The following KHDRBS2 variants were observed in gnomAD, a reference collection of about 807,000 sequenced individuals.
The protein encoded by KHDRBS2 is KH domain-containing, RNA-binding, signal transduction-associated protein 2.
A neutral mutation model predicts 44.3 loss-of-function variants in KHDRBS2; 26 were observed. The observed-to-expected ratio is 0.59, with a 90% CI of 0.43 to 0.81. KHDRBS2 has a LOEUF of 0.81. Ranked by LOEUF, KHDRBS2 falls within the 40% of genes least tolerant of loss-of-function variation. The probability of loss-of-function intolerance (pLI) is 0.00; values close to 1 mark genes in which losing one functional copy is unlikely to be tolerated. For missense variants in KHDRBS2, 476 were observed against 433.1 expected (o/e 1.10, Z -0.88); for synonymous variants, 194 against 151.1 (o/e 1.28, Z -2.08).
At chr6:61,813,885 C>G in intron 6 of KHDRBS2, 1 of 455,834 alleles carries the variant, frequency 2.2e-6, no homozygotes, top group South Asian at 1.5e-5. Context: ...ACACACTAGG[C>G]ACTTTGCCTC....
At position 61,718,253 on chromosome 6, in the gene KHDRBS2, C is replaced by T. The variant is rs74880572; in HGVS notation, c.893+14429G>A. 4.5e-3 allele frequency among the ~76,000 whole-genome samples: 686 copies of T among 152,056 alleles called. 36 individuals are homozygous for T. The East Asian group carries it at 0.098, about 22-fold the overall frequency. On this transcript the variant is annotated intron_variant, in intron 7 of 8. Coordinates refer to ENST00000281156, the MANE Select transcript of KHDRBS2 (RefSeq NM_152688.4). The stretch of plus-strand genomic sequence containing the variant: ...CCCTTGAGGAGCTAAGAAGTTTGTG[C>T]GAGGGGTTTGAGAACCTATTTTTCC...
chr6:61,972,304 G>C (rs912667056), intron 4 of KHDRBS2, among the ~76,000 whole-genome samples: 4 of 152,092 alleles, frequency 2.6e-5, no homozygotes, highest in African/African-American at 9.7e-5. Context: ...AAGAATTTTA[G>C]TTTTGTTCTA....
intron 6 of KHDRBS2, among the ~76,000 whole-genome samples, chr6:61,752,407 A>C (rs563216783): frequency 6.6e-6 from 1 of 152,060 alleles, no homozygotes; most frequent in Non-Finnish European, 1.5e-5. Flanking sequence ...GCTTTATCTG[A>C]CTCTAAATGC....
At chr6:62,041,021 C>A (rs188053864) in intron 3 of KHDRBS2, among the ~76,000 whole-genome samples, 4 of 151,952 alleles carry the variant, frequency 2.6e-5, no homozygotes, top group African/African-American at 9.7e-5. Context: ...GGTTATATTG[C>A]ATTTGTACTT....
intron 6 of KHDRBS2, among the ~76,000 whole-genome samples, chr6:61,788,689 G>A (rs935225337): frequency 1.3e-5 from 2 of 150,992 alleles, no homozygotes; most frequent in East Asian, 3.9e-4. Flanking sequence ...CAAGTTTTCT[G>A]ATTTTCTTTT....
Position 61,680,605 on chromosome 6 carries a change from A to C in KHDRBS2, c.*358T>G, listed in dbSNP as rs1213880727. 2 of 156,008 alleles carry C rather than the reference A, an allele frequency of 1.3e-5. No individual in the cohort carries two copies. Among genetic ancestry groups the C allele is most frequent in the African/African-American group, 4.9e-5 (2 of 41,104 alleles). 9.7% of individuals were successfully genotyped at this position (156,008 alleles called of 1,614,324 possible). On this transcript the variant is annotated 3_prime_UTR_variant, in exon 9 of 9. Transcript: ENST00000281156. ...ACAAAGTTTCTGCTAGTTGGTTGAG[A>C]CTCAAAATCTGTTAACAAATTCATG...
chr6:61,744,367 A>C (rs1776584285), intron 6 of KHDRBS2, among the ~76,000 whole-genome samples: 1 of 152,140 alleles, frequency 6.6e-6, no homozygotes, highest in African/African-American at 2.4e-5. Context: ...TGGAATGTAA[A>C]GTAAGTGGAA....
At chr6:61,774,951 G>A (rs905879826) in intron 6 of KHDRBS2, among the ~76,000 whole-genome samples, 2 of 152,234 alleles carry the variant, frequency 1.3e-5, no homozygotes, top group Admixed American at 1.3e-4. Flanking sequence ...CCATGATCAA[G>A]TGGGCTTCAA....
At chr6:62,109,025 C>T (rs1399198905) in intron 2 of KHDRBS2, among the ~76,000 whole-genome samples, 3 of 151,460 alleles carry the variant, frequency 2.0e-5, no homozygotes, top group South Asian at 4.2e-4. Flanking sequence ...TGCAGCACAC[C>T]AGCATGGCAC....
intron 6 of KHDRBS2, among the ~76,000 whole-genome samples, chr6:61,852,217 G>A (rs142610711): frequency 1.3e-4 from 20 of 151,238 alleles, no homozygotes; most frequent in Non-Finnish European, 2.2e-4. Flanking sequence ...ACAAAACTCC[G>A]TCCAAAAATA....
chr6:61,736,225 C>CACACACAT (rs1411641012), intron 6 of KHDRBS2, among the ~76,000 whole-genome samples: 1 of 150,734 alleles, frequency 6.6e-6, no homozygotes, highest in Non-Finnish European at 1.5e-5. Context: ...CACACACACA[C>CACACACAT]ACACACACAC....
chr6:61,921,418 C>T (rs1036067968), intron 4 of KHDRBS2, among the ~76,000 whole-genome samples: 5 of 151,848 alleles, frequency 3.3e-5, no homozygotes, highest in Non-Finnish European at 7.4e-5. Context: ...GATATTTTTT[C>T]AATATGTGGG....
intron 2 of KHDRBS2, among the ~76,000 whole-genome samples, chr6:62,174,378 T>C (rs1224259236): frequency 6.6e-6 from 1 of 151,392 alleles, no homozygotes; most frequent in Non-Finnish European, 1.5e-5. Flanking sequence ...GAATTATATA[T>C]TTATATTATA....
chr6:61,719,044 C>A (rs1427736398), intron 7 of KHDRBS2, among the ~76,000 whole-genome samples: 1 of 152,142 alleles, frequency 6.6e-6, no homozygotes, highest in East Asian at 1.9e-4. Context: ...ATCTATACAT[C>A]TTTGCTCTCC....
chr6:62,192,485 G>A (rs939160038), intron 1 of KHDRBS2, among the ~76,000 whole-genome samples: 1 of 151,994 alleles, frequency 6.6e-6, no homozygotes. Flanking sequence ...ATATAAAATG[G>A]CATTCACCAT....
intron 1 of KHDRBS2, among the ~76,000 whole-genome samples, chr6:62,224,723 G>A (rs371230367): frequency 6.6e-5 from 10 of 152,170 alleles, no homozygotes; most frequent in South Asian, 2.1e-4. Flanking sequence ...GTGTTTAAGA[G>A]TGGAAACATG....
intron 2 of KHDRBS2, among the ~76,000 whole-genome samples, chr6:62,053,038 T>A (rs915111796): frequency 6.6e-6 from 1 of 152,104 alleles, no homozygotes; most frequent in Non-Finnish European, 1.5e-5. Flanking sequence ...ATGATGGATA[T>A]GTCAGTTTGC....
the KHDRBS2 span, among the ~76,000 whole-genome samples, chr6:61,617,898 A>T: frequency 6.6e-6 from 1 of 152,180 alleles, no homozygotes; most frequent in Non-Finnish European, 1.5e-5. Context: ...TACATAACAT[A>T]AAAATTTTTT....
At chr6:62,075,422 A>G (rs1267737630) in intron 2 of KHDRBS2, among the ~76,000 whole-genome samples, 1 of 151,930 alleles carries the variant, frequency 6.6e-6, no homozygotes, top group Non-Finnish European at 1.5e-5. Flanking sequence ...TTTATAAATA[A>G]CCCAATCCTA....
Sources: allele counts gnomAD v4.1 joint callset (sites outside exome capture counted in the v4.1 genomes callset), GRCh38; gene constraint gnomAD v4.1.1; transcripts MANE v1.5; gene names NCBI Gene and HGNC (gene_info 2026-07-23, HGNC 2026-07-21).